OSBPL9: variants seen among roughly 807,000 people sequenced by gnomAD.
OSBPL9 encodes the protein oxysterol binding protein like 9.
In OSBPL9, 40 loss-of-function variants were observed where a neutral mutation model predicts 106.6. The ratio of observed to expected loss-of-function variants is 0.38; its 90% CI spans 0.29 to 0.49. OSBPL9 has a LOEUF of 0.49. Among genes scored for constraint, OSBPL9 ranks in the 20% least tolerant of loss-of-function variants. OSBPL9 has a pLI of 0.97. For synonymous variants in OSBPL9, 269 were observed against 295.4 expected (o/e 0.91, Z 0.92); for missense variants, 609 against 887.2 (o/e 0.69, Z 3.98).
chr1:51,750,651 CAA>C (rs1244741028), intron 8 of OSBPL9, among the ~76,000 whole-genome samples: 1 of 151,994 alleles, frequency 6.6e-6, no homozygotes, highest in African/African-American at 2.4e-5. Flanking sequence ...ATTCATGAAA[CAA>C]AATATATTTT....
At chr1:51,626,283 C>G (rs1644759808) in intron 1 of OSBPL9, among the ~76,000 whole-genome samples, 1 of 152,138 alleles carries the variant, frequency 6.6e-6, no homozygotes, top group Admixed American at 6.6e-5. Context: ...TTACCTTTCC[C>G]TATCATAGAA....
At chr1:51,692,357 A>G (rs1417670133) in intron 3 of OSBPL9, among the ~76,000 whole-genome samples, 1 of 152,210 alleles carries the variant, frequency 6.6e-6, no homozygotes, top group Non-Finnish European at 1.5e-5. Flanking sequence ...AGTATAGTAT[A>G]GTAAATACAT....
chr1:51,691,636 C>T (rs1213364034), intron 3 of OSBPL9, among the ~76,000 whole-genome samples: 3 of 151,894 alleles, frequency 2.0e-5, no homozygotes, highest in African/African-American at 7.3e-5. Context: ...ATTTTTTTAA[C>T]TTCATGTCTC....
chr1:51,698,633 G>A (rs1461768836), intron 3 of OSBPL9, among the ~76,000 whole-genome samples: 1 of 152,168 alleles, frequency 6.6e-6, no homozygotes, highest in South Asian at 2.1e-4. Context: ...AGTGGTAGCT[G>A]CTAGAGAAGA....
intron 2 of OSBPL9, among the ~76,000 whole-genome samples, chr1:51,655,880 G>A (rs1201252223): frequency 6.6e-6 from 1 of 152,198 alleles, no homozygotes; most frequent in Non-Finnish European, 1.5e-5. Context: ...TTAGAAACAT[G>A]TATGTGTGTG....
the OSBPL9 span, among the ~76,000 whole-genome samples, chr1:51,536,389 C>T: frequency 8.5e-5 from 13 of 152,130 alleles, no homozygotes; most frequent in Non-Finnish European, 1.8e-4. Flanking sequence ...TCACTTACAA[C>T]CTTGAATTCC....
chr1:51,543,498 C>T, the OSBPL9 span, among the ~76,000 whole-genome samples: 4 of 152,254 alleles, frequency 2.6e-5, no homozygotes, highest in African/African-American at 7.2e-5. Context: ...TGGGTTCAAT[C>T]GATTCTCCTG....
rs1159472556 is a variant in OSBPL9 at position 51,784,332 on chromosome 1, G to A, written c.1688+5G>A. Reference sequence around the variant, plus strand: ...ATTCCCCAATGGCTATGGAAGGCAAGTGTGTCCATTTCCTCTGATCAGCAG... The same window carrying A: ...ATTCCCCAATGGCTATGGAAGGCAAATGTGTCCATTTCCTCTGATCAGCAG... On this transcript the variant is annotated splice_donor_5th_base_variant and intron_variant, in intron 19 of 23. Transcript: ENST00000428468. 6.2e-7 allele frequency: 1 copy of A among 1,613,190 alleles called. No individual in the cohort carries two copies. The highest frequency in any genetic ancestry group is 1.1e-5 in the South Asian group (1 of 91,066).
chr1:51,544,990 C>T, the OSBPL9 span, among the ~76,000 whole-genome samples: 4 of 151,702 alleles, frequency 2.6e-5, no homozygotes, highest in Non-Finnish European at 4.4e-5. Flanking sequence ...ATTACAGGTG[C>T]CCACTACCAC....
intron 9 of OSBPL9, among the ~76,000 whole-genome samples, chr1:51,757,332 C>T (rs1256167442): frequency 6.6e-6 from 1 of 151,908 alleles, no homozygotes; most frequent in East Asian, 1.9e-4. Flanking sequence ...TGATATAATA[C>T]AATTGTATGA....
At chr1:51,610,316 C>T (rs1001838370) in intron 2 of OSBPL9, among the ~76,000 whole-genome samples, 4 of 152,066 alleles carry the variant, frequency 2.6e-5, no homozygotes, top group African/African-American at 7.2e-5. Flanking sequence ...GGCTGGACTG[C>T]GGTGGCGCAA....
chr1:51,787,180 G>A (rs1377796963), intron 22 of OSBPL9, among the ~76,000 whole-genome samples, 173 bp from the exon 23 acceptor site: 1 of 152,192 alleles, frequency 6.6e-6, no homozygotes, highest in Admixed American at 6.5e-5. Context: ...TAGCAGTGGA[G>A]TCTTCTGAGC....
At chr1:51,550,622 C>T in the OSBPL9 span, among the ~76,000 whole-genome samples, 1 of 152,182 alleles carries the variant, frequency 6.6e-6, no homozygotes, top group African/African-American at 2.4e-5. Flanking sequence ...AAGCAATGCT[C>T]CTGCCTCAGC....
chr1:51,746,611 A>T (rs553822764), intron 5 of OSBPL9, 99 bp from the exon 6 acceptor site: 1 of 876,578 alleles, frequency 1.1e-6, no homozygotes, highest in East Asian at 2.5e-5. Flanking sequence ...CCCTGGACAA[A>T]ATGTGTTTAA....
rs971698856 is a variant in OSBPL9, at chr1:51,788,032, G to A, written c.*243G>A. On this transcript the variant is annotated 3_prime_UTR_variant, in exon 24 of 24. Transcript: ENST00000428468. ...AAACTTCAGGTTTTGAAAATCAGAT[G>A]ATGTCTTCTCCTTTTCCAAACACCA... 6.0e-6 allele frequency: 3 copies of A among 499,050 alleles called. No homozygotes were observed. Among genetic ancestry groups the A allele is most frequent in the East Asian group, 3.4e-5 (1 of 29,572 alleles). 30.9% of individuals were successfully genotyped at this position (499,050 alleles called of 1,614,324 possible).
Position 51,784,006 on chromosome 1 carries a change from G to C in OSBPL9, c.1605G>C (p.Gly535=), listed in dbSNP as rs1557873729. The C allele has an allele frequency of 6.2e-7, 1 of 1,611,996 alleles. No individual in the cohort carries two copies. The highest frequency in any genetic ancestry group is 8.5e-7 in the Non-Finnish European group (1 of 1,178,262). Residue 535 remains glycine (G), a synonymous_variant, in exon 18 of 24, where the codon GGG becomes GGC. Coordinates refer to ENST00000428468, the MANE Select transcript of OSBPL9 (RefSeq NM_024586.6). Reference sequence around the variant, plus strand: ...CAAAATTCCTTGGGATGTCAATTGGGGTGCACAACATAGGGCAGGGTAAGT... The same window carrying C: ...CAAAATTCCTTGGGATGTCAATTGGCGTGCACAACATAGGGCAGGGTAAGT... ...TKSKFLGMSI[G]VHNIGQGCVS...
intron 3 of OSBPL9, among the ~76,000 whole-genome samples, chr1:51,697,715 TA>T (rs1284880173): frequency 5.3e-5 from 8 of 151,362 alleles, no homozygotes; most frequent in Non-Finnish European, 1.0e-4. Flanking sequence ...TTCATATTCT[TA>T]TTCAAATGTG....
intron 3 of OSBPL9, 113 bp downstream of exon 3, chr1:51,669,625 G>A (rs1649376472): frequency 8.7e-6 from 8 of 921,280 alleles, no homozygotes; most frequent in Non-Finnish European, 1.4e-5. Context: ...CTGCATGAAC[G>A]AGTGCATAGG....
At chr1:51,768,272 C>T (rs1372452232) in intron 12 of OSBPL9, among the ~76,000 whole-genome samples, 2 of 149,700 alleles carry the variant, frequency 1.3e-5, no homozygotes, top group Non-Finnish European at 3.0e-5. Flanking sequence ...TCTTGTTGCC[C>T]AGGCTGGAGT....
Sources: gnomAD v4.1 joint callset for allele counts (sites outside exome capture counted in the v4.1 genomes callset) on GRCh38, gnomAD v4.1.1 for gene constraint, MANE v1.5 for transcripts, NCBI Gene and HGNC (gene_info 2026-07-23, HGNC 2026-07-21) for gene names.